MBP: variants seen among roughly 807,000 people sequenced by gnomAD.
MBP encodes myelin basic protein, also known as Golli-MBP.
MBP carries 16 observed loss-of-function variants against 35.8 expected under a neutral mutation model. The observed-to-expected ratio is 0.45, with a 90% CI of 0.30 to 0.68. The LOEUF (loss-of-function observed/expected upper bound fraction) is 0.68. Among genes scored for constraint, MBP ranks in the 30% least tolerant of loss-of-function variants. The pLI, the probability that MBP is intolerant of heterozygous loss-of-function variation, is 0.08. For synonymous variants in MBP, 143 were observed against 159.6 expected (o/e 0.90, Z 0.78); for missense variants, 380 against 404.7 (o/e 0.94, Z 0.52).
intron 4 of MBP, among the ~76,000 whole-genome samples, chr18:76,991,841 A>G (rs748814517): frequency 6.6e-6 from 1 of 152,214 alleles, no homozygotes; most frequent in Non-Finnish European, 1.5e-5. Flanking sequence ...ATGCACATTG[A>G]TTGGGAGGAC....
At chr18:77,094,752 G>A (rs11151001) in intron 2 of MBP, among the ~76,000 whole-genome samples, 6,552 of 152,244 alleles carry the variant, frequency 0.043, 214 homozygotes, top group South Asian at 0.12. Flanking sequence ...AATAAGGGTC[G>A]CCACAGCCAG....
intron 2 of MBP, among the ~76,000 whole-genome samples, chr18:77,080,572 C>T (rs998265918): frequency 1.4e-4 from 22 of 152,374 alleles, no homozygotes; most frequent in African/African-American, 3.4e-4. Flanking sequence ...ACCTCATTAA[C>T]GGCCCTTGGT....
intron 4 of MBP, among the ~76,000 whole-genome samples, chr18:77,008,223 G>A (rs1464436886): frequency 6.6e-6 from 1 of 152,102 alleles, no homozygotes; most frequent in African/African-American, 2.4e-5. Flanking sequence ...CCTCCTTCTC[G>A]CCAGCACTGC....
chr18:77,014,299 G>T, intron 4 of MBP: 1 of 985,562 alleles, frequency 1.0e-6, no homozygotes, highest in Non-Finnish European at 1.2e-6. Context: ...CCCTCAAGGG[G>T]AGGGAGGAAG....
In MBP at chr18:77,131,926, A is replaced by C. The variant is rs1467839305; in HGVS notation, c.-26+654T>G. On this transcript the variant is annotated intron_variant, in intron 1 of 8. Transcript: ENST00000355994. This position sits in a 1 kb window ranked among gnomAD's most constrained non-coding sequence, Gnocchi z 5.5. ...GAAGAGCCCGAGACAGGCCCTGCGA[A>C]GGCGGAAGCCCGGACCCGGGCTCTC... is the stretch of plus-strand genomic sequence containing the variant. 6.6e-6 allele frequency among the ~76,000 whole-genome samples: 1 copy of C among 152,094 alleles called. No homozygotes were observed. The highest frequency in any genetic ancestry group is 1.5e-5 in the Non-Finnish European group (1 of 67,978).
At chr18:77,055,587 C>T (rs1973687532) in intron 3 of MBP, among the ~76,000 whole-genome samples, 1 of 149,882 alleles carries the variant, frequency 6.7e-6, no homozygotes, top group African/African-American at 2.5e-5. Flanking sequence ...CTCTTTCTTT[C>T]TCTCTCTCTC....
chr18:77,052,067 G>C (rs1568313942), intron 3 of MBP, among the ~76,000 whole-genome samples: 2 of 152,158 alleles, frequency 1.3e-5, no homozygotes. Context: ...TGGAGAAGGC[G>C]TGTGAGTGCA....
intron 4 of MBP, among the ~76,000 whole-genome samples, chr18:77,012,202 T>C (rs1428365919): frequency 6.6e-6 from 1 of 152,220 alleles, no homozygotes; most frequent in Non-Finnish European, 1.5e-5. Flanking sequence ...CTCATTATCA[T>C]CTTTCAGAGA....
intron 2 of MBP, 100 bp from the exon 3 acceptor site, chr18:77,066,485 TAA>T: frequency 1.2e-6 from 1 of 845,598 alleles, no homozygotes; most frequent in South Asian, 1.4e-5. Flanking sequence ...TTTTATCAGA[TAA>T]TCAGTTTCAC....
At chr18:76,996,108 A>C (rs546166519) in intron 4 of MBP, among the ~76,000 whole-genome samples, 1 of 152,348 alleles carries the variant, frequency 6.6e-6, no homozygotes, top group South Asian at 2.1e-4. Flanking sequence ...CATCATTAGC[A>C]TCAGGAAAAC....
At chr18:77,003,952 A>G (rs938239128) in intron 4 of MBP, 1 of 151,110 alleles carries the variant, frequency 6.6e-6, no homozygotes, top group Admixed American at 6.6e-5. Flanking sequence ...CCTGCAAACT[A>G]TCTGAAGCTT....
chr18:77,011,373 C>A (rs753981002), intron 4 of MBP, among the ~76,000 whole-genome samples: 2 of 152,182 alleles, frequency 1.3e-5, no homozygotes, highest in South Asian at 2.1e-4. Context: ...ACAGGGCCAA[C>A]AAGCGAAGAA....
chr18:77,016,733 G>T, intron 4 of MBP, 99 bp downstream of exon 4: 1 of 1,510,392 alleles, frequency 6.6e-7, no homozygotes, highest in South Asian at 1.3e-5. Context: ...ACAGCAAGAG[G>T]CTACGTGCCA....
At chr18:77,082,015 C>T (rs1430604651) in intron 2 of MBP, among the ~76,000 whole-genome samples, 2 of 147,742 alleles carry the variant, frequency 1.4e-5, no homozygotes, top group African/African-American at 4.9e-5. Context: ...CAACGCCTGG[C>T]TAATTTTTTT....
chr18:77,054,339 C>T (rs1973636591), intron 3 of MBP, among the ~76,000 whole-genome samples: 1 of 152,226 alleles, frequency 6.6e-6, no homozygotes, highest in Admixed American at 6.5e-5. Context: ...AGAGCTCACC[C>T]CCGGATATCT....
intron 3 of MBP, among the ~76,000 whole-genome samples, chr18:77,043,832 C>T (rs780248738): frequency 3.0e-4 from 46 of 152,122 alleles, no homozygotes; most frequent in Non-Finnish European, 5.7e-4. Context: ...GGATTTAAGT[C>T]GCTGTTTCCA....
At chr18:77,057,776 C>T (rs1170950923) in intron 3 of MBP, among the ~76,000 whole-genome samples, 2 of 152,034 alleles carry the variant, frequency 1.3e-5, no homozygotes, top group African/African-American at 4.8e-5. Flanking sequence ...ATTTAAAAAA[C>T]CGCTACACGA....
At chr18:77,105,412 G>T (rs731091) in intron 1 of MBP, 126 bp from the exon 2 acceptor site, 18,956 of 566,952 alleles carry the variant, frequency 0.033, 1,605 homozygotes, top group East Asian at 0.22. Context: ...CGAAACCAAG[G>T]CCCTGAAAAC....
At position 77,010,022 on chromosome 18, in the gene MBP, G is replaced by A. The variant is rs1971253205; in HGVS notation, c.576+6810C>T. The A allele has an allele frequency of 4.6e-6, 4 of 870,358 alleles. No individual in the cohort carries two copies. The East Asian group carries it at 1.1e-4, about 23-fold the overall frequency. 53.9% of individuals were successfully genotyped at this position (870,358 alleles called of 1,614,324 possible). On this transcript the variant is annotated intron_variant, in intron 4 of 8. Coordinates refer to ENST00000355994, the MANE Select transcript of MBP (RefSeq NM_001025101.2). ...GCAAATCTCCTCTAGAGCTGGCTTG[G>A]CAAGAGCCCAGAGTGAGGAGGAGTG...
Sources: allele counts gnomAD v4.1 joint callset (sites outside exome capture counted in the v4.1 genomes callset), GRCh38; gene constraint gnomAD v4.1.1; non-coding constraint Gnocchi (gnomAD v3.1); transcripts MANE v1.5; gene names NCBI Gene and HGNC (gene_info 2026-07-23, HGNC 2026-07-21).